The following WDFY3 variants were observed in gnomAD, a reference collection of about 807,000 sequenced individuals.
WDFY3 encodes WD repeat and FYVE domain containing 3.
Under a neutral mutation model 409.6 loss-of-function variants are expected in WDFY3, and 66 were observed. The observed-to-expected ratio is 0.16, with a 90% CI of 0.13 to 0.20. The LOEUF is 0.20. Among genes scored for constraint, WDFY3 ranks in the 10% least tolerant of loss-of-function variants. The pLI, the probability that WDFY3 is intolerant of heterozygous loss-of-function variation, is 1.00. For missense variants in WDFY3, 3,031 were observed against 4,298.1 expected, an observed-to-expected ratio of 0.71 and a Z score of 8.24; for synonymous variants, 1,521 against 1,537.1, an observed-to-expected ratio of 0.99 and a Z score of 0.25.
chr4:84,922,638 C>T (rs1462369668), intron 2 of WDFY3, among the ~76,000 whole-genome samples: 1 of 151,520 alleles, frequency 6.6e-6, no homozygotes, highest in African/African-American at 2.4e-5. Flanking sequence ...TTGCTTTTAC[C>T]GAGGCAAAGT....
At position 84,801,659 on chromosome 4, in the gene WDFY3, A is replaced by G. The variant is rs373960324; in HGVS notation, c.2813T>C (p.Met938Thr). ...ERLASQALEP[M>T]VLREFLRLAS... ...ATGAAAGAGAACTTACCTCAACACCATGGGTTCCAGAGCCTGAGAGGCTAA... is the reference window on the plus strand; with the variant it reads ...ATGAAAGAGAACTTACCTCAACACCGTGGGTTCCAGAGCCTGAGAGGCTAA... Residue 938 changes from methionine (M) to threonine (T), a missense_variant, in exon 17 of 68, where the codon ATG (methionine) becomes ACG (threonine). Met to Thr is a moderately conservative substitution (Grantham distance 81). Around this residue, in one of 16 missense-constraint regions of WDFY3, gnomAD observed 1,322 missense variants for 1,697.9 expected, o/e 0.78. Transcript: ENST00000295888. 1.9e-6 allele frequency: 3 copies of G among 1,609,812 alleles called. No homozygotes were observed. The highest frequency in any genetic ancestry group is 1.7e-5 in the Admixed American group (1 of 59,886).
intron 2 of WDFY3, among the ~76,000 whole-genome samples, chr4:84,927,420 A>G (rs935505126): frequency 2.6e-5 from 4 of 152,184 alleles, no homozygotes; most frequent in Non-Finnish European, 4.4e-5. Flanking sequence ...ACAGCCTTCC[A>G]TAAGAAGAAT....
At position 84,790,549 on chromosome 4, in the gene WDFY3, A is replaced by G. The variant is rs889069283; in HGVS notation, c.3488-642T>C. 2.6e-5 allele frequency among the ~76,000 whole-genome samples: 4 copies of G among 152,176 alleles called. No individual in the cohort carries two copies. In the East Asian group the frequency reaches 7.7e-4, roughly 29 times the overall value. On this transcript the variant is annotated intron_variant, in intron 21 of 67. Transcript: ENST00000295888. ...AAAAATACATAAAAATAAAGAGACAATAACGTTATGATAAACACTAAAAAG... is the reference window on the plus strand; with the variant it reads ...AAAAATACATAAAAATAAAGAGACAGTAACGTTATGATAAACACTAAAAAG...
Position 84,692,942 on chromosome 4 carries a change from C to G in WDFY3, c.8992G>C (p.Asp2998His). The G allele has an allele frequency of 6.2e-7, 1 of 1,613,592 alleles. No homozygotes were observed. The highest frequency in any genetic ancestry group is 8.5e-7 in the Non-Finnish European group (1 of 1,179,922). ...TCTAGATGATGAAAAAAGATCTTGT[C>G]ACTTGTAGATCCTGGTAGGACAGAG... ...GISVLPGSTS[D>H]KIFFHHLDNL... is the part of the protein sequence containing the mutation. The change falls in exon 59 of 68, where the codon GAC becomes CAC. Residue 2998 changes from aspartate to histidine, a missense_variant. This residue lies in a region of WDFY3 where 152 missense variants were observed against 193.5 expected (regional missense o/e 0.79). Transcript: ENST00000295888.
At chr4:84,673,777 GA>G (rs201540497) in intron 67 of WDFY3, among the ~76,000 whole-genome samples, 4 of 150,818 alleles carry the variant, frequency 2.7e-5, no homozygotes, top group South Asian at 2.1e-4. Flanking sequence ...AAATGGAAAT[GA>G]AAAAAAAAAT....
At chr4:84,839,185 A>T (rs1041259315) in intron 6 of WDFY3, among the ~76,000 whole-genome samples, 9 of 152,194 alleles carry the variant, frequency 5.9e-5, no homozygotes, top group African/African-American at 2.2e-4. Flanking sequence ...TATAGAAAAT[A>T]TGAATAAATG....
intron 32 of WDFY3, among the ~76,000 whole-genome samples, chr4:84,761,966 G>A (rs1374617884): frequency 6.6e-6 from 1 of 152,110 alleles, no homozygotes; most frequent in Non-Finnish European, 1.5e-5. Context: ...GGAAACAACA[G>A]GTGCTGGAGA....
At chr4:84,691,564 T>G in intron 60 of WDFY3, 67 bp downstream of exon 60, 1 of 1,522,288 alleles carries the variant, frequency 6.6e-7, no homozygotes, top group Admixed American at 1.8e-5. Flanking sequence ...CCAACCCTAT[T>G]AGTCATATAG....
chr4:84,803,635 C>T (rs937231019), intron 15 of WDFY3, among the ~76,000 whole-genome samples, 168 bp from the exon 16 acceptor site: 3 of 151,866 alleles, frequency 2.0e-5, no homozygotes, highest in African/African-American at 4.8e-5. Context: ...TGTGTGTGTC[C>T]GCATGTGTGT....
intron 66 of WDFY3, 50 bp downstream of exon 66, chr4:84,678,118 A>AAC (rs1726666921): frequency 1.4e-6 from 2 of 1,457,896 alleles, no homozygotes; most frequent in Non-Finnish European, 1.9e-6. Flanking sequence ...GCCCTTGGCT[A>AAC]ACCAAATGAC....
chr4:84,734,216 A>T (rs1737059804), intron 43 of WDFY3, among the ~76,000 whole-genome samples: 1 of 152,230 alleles, frequency 6.6e-6, no homozygotes, highest in Non-Finnish European at 1.5e-5. Context: ...GGAAATTATG[A>T]CACAGTACAA....
At chr4:84,944,398 G>T (rs1316745029) in intron 1 of WDFY3, among the ~76,000 whole-genome samples, 1 of 152,128 alleles carries the variant, frequency 6.6e-6, no homozygotes, top group Non-Finnish European at 1.5e-5. Context: ...TGGGCATGGT[G>T]GCGCACACCT....
intron 61 of WDFY3, 22 bp from the exon 62 acceptor site, chr4:84,688,287 C>G: frequency 6.2e-7 from 1 of 1,606,014 alleles, no homozygotes; most frequent in South Asian, 1.1e-5. Context: ...AACAAACAAA[C>G]AAAATCAGGT....
At chr4:84,934,881 A>G in intron 1 of WDFY3, among the ~76,000 whole-genome samples, 1 of 152,080 alleles carries the variant, frequency 6.6e-6, no homozygotes, top group Non-Finnish European at 1.5e-5. Context: ...TGCTTTTTAA[A>G]CAGTATATCA....
chr4:84,867,819 A>G (rs1761606437), intron 3 of WDFY3, among the ~76,000 whole-genome samples: 1 of 152,208 alleles, frequency 6.6e-6, no homozygotes, highest in Non-Finnish European at 1.5e-5. Context: ...GCTACATTCA[A>G]TAAATGTAAT....
intron 13 of WDFY3, among the ~76,000 whole-genome samples, chr4:84,814,825 G>GA (rs1578648227): frequency 6.6e-6 from 1 of 151,920 alleles, no homozygotes; most frequent in Non-Finnish European, 1.5e-5. Flanking sequence ...ATATACACAG[G>GA]AAAAAAACAT....
chr4:84,960,628 G>T (rs868203278), intron 1 of WDFY3, among the ~76,000 whole-genome samples: 26 of 152,044 alleles, frequency 1.7e-4, no homozygotes, highest in African/African-American at 5.3e-4. Flanking sequence ...ACATGACTAT[G>T]TATTTTACAA....
At chr4:84,747,411 G>T (rs953989810) in intron 36 of WDFY3, among the ~76,000 whole-genome samples, 12 of 152,240 alleles carry the variant, frequency 7.9e-5, no homozygotes, top group South Asian at 4.1e-4. Flanking sequence ...ACTTTGTGGT[G>T]CTCTCTTTGC....
At chr4:84,715,243 TC>T in intron 50 of WDFY3, 54 bp downstream of exon 50, 1 of 955,082 alleles carries the variant, frequency 1.0e-6, no homozygotes, top group Middle Eastern at 2.2e-4. Context: ...GAGAAAAGAT[TC>T]CCCCTCCCAT....
Sources: gnomAD v4.1 joint callset for allele counts (sites outside exome capture counted in the v4.1 genomes callset) on GRCh38, gnomAD v4.1.1 for gene constraint, gnomAD v4.1.1 regional missense constraint, MANE v1.5 for transcripts, NCBI Gene and HGNC (gene_info 2026-07-23, HGNC 2026-07-21) for gene names.